The following TTC7B variants were observed in gnomAD, a reference collection of about 807,000 sequenced individuals.
TTC7B encodes the protein tetratricopeptide repeat protein 7B.
In TTC7B, 28 loss-of-function variants were observed where a neutral mutation model predicts 106.8. The observed-to-expected ratio is 0.26, with a 90% CI of 0.19 to 0.36. The LOEUF (loss-of-function observed/expected upper bound fraction) is 0.36. Among genes scored for constraint, TTC7B ranks in the 10% least tolerant of loss-of-function variants. The pLI, the probability that TTC7B is intolerant of heterozygous loss-of-function variation, is 1.00. For missense variants in TTC7B, 862 were observed against 1,076.4 expected (o/e 0.80, Z 2.79); for synonymous variants, 405 against 430.6 (o/e 0.94, Z 0.74).
In TTC7B at chr14:90,644,813, A is replaced by T. The variant is rs184042353; in HGVS notation, c.1591-605T>A. ...AAAAAAGTAAACAACAAAGGCCCCCACACCTTTCCAAACTACAACCCAAAA... is the reference window on the plus strand; with the variant it reads ...AAAAAAGTAAACAACAAAGGCCCCCTCACCTTTCCAAACTACAACCCAAAA... On this transcript the variant is annotated intron_variant, in intron 14 of 19. Transcript: ENST00000328459. 2.0e-5 allele frequency: 3 copies of T among 152,398 alleles called. No homozygotes were observed. The East Asian group carries it at 5.8e-4, about 29-fold the overall frequency. The allele number at this position is 152,398 out of a possible 1,614,324, so 9.4% of individuals were successfully genotyped here.
intron 15 of TTC7B, among the ~76,000 whole-genome samples, chr14:90,625,374 G>T (rs1205686471): frequency 6.6e-6 from 1 of 152,180 alleles, no homozygotes; most frequent in Non-Finnish European, 1.5e-5. Context: ...TTCCTTTCAG[G>T]TTCCCATGTG....
intron 8 of TTC7B, chr14:90,677,975 A>T: frequency 2.8e-6 from 1 of 351,498 alleles, no homozygotes; most frequent in Middle Eastern, 6.4e-4. Context: ...TTGAGCCCAA[A>T]AAAAGCAGCT....
At chr14:90,555,433 C>T (rs1478954192) in intron 19 of TTC7B, among the ~76,000 whole-genome samples, 3 of 152,164 alleles carry the variant, frequency 2.0e-5, no homozygotes, top group Non-Finnish European at 4.4e-5. Context: ...ATGGGGATGT[C>T]TCCCTCTGGG....
chr14:90,621,247 G>T (rs991167525), intron 15 of TTC7B, among the ~76,000 whole-genome samples: 4 of 148,140 alleles, frequency 2.7e-5, no homozygotes, highest in African/African-American at 1.0e-4. Context: ...GGCCACGTGG[G>T]TATAGCCAGA....
At chr14:90,648,842 ATTTAT>A (rs931028166) in intron 13 of TTC7B, 5 of 152,210 alleles carry the variant, frequency 3.3e-5, no homozygotes, top group African/African-American at 9.6e-5. Flanking sequence ...AAATTTTTAG[ATTTAT>A]TTTATCTTCT....
At chr14:90,558,469 G>A (rs774526903) in intron 19 of TTC7B, among the ~76,000 whole-genome samples, 1 of 152,374 alleles carries the variant, frequency 6.6e-6, no homozygotes, top group Non-Finnish European at 1.5e-5. Context: ...CACAAAGGCC[G>A]GATAGTTCAC....
intron 16 of TTC7B, among the ~76,000 whole-genome samples, chr14:90,612,196 A>C (rs1180480793): frequency 6.6e-6 from 1 of 152,212 alleles, no homozygotes; most frequent in Non-Finnish European, 1.5e-5. Context: ...ATCATCCCAG[A>C]CATGTTTTTT....
intron 18 of TTC7B, among the ~76,000 whole-genome samples, chr14:90,582,064 T>C (rs1374547734): frequency 6.6e-6 from 1 of 152,114 alleles, no homozygotes; most frequent in African/African-American, 2.4e-5. Flanking sequence ...AATCCCTCCG[T>C]TTTCAGCTCA....
At position 90,577,954 on chromosome 14, in the gene TTC7B, G is replaced by A; in HGVS notation, c.2310+152C>T. ...TTGCATAAACTATGGTAGAAACGGTGCCCTCTGGCTTCAGGCCATGTGACA... is the reference window on the plus strand; with the variant it reads ...TTGCATAAACTATGGTAGAAACGGTACCCTCTGGCTTCAGGCCATGTGACA... On this transcript the variant is annotated intron_variant, in intron 19 of 19. Transcript: ENST00000328459. The surrounding 1 kb of genome is among the most constrained non-coding windows in gnomAD (Gnocchi z 5.0). The A allele has an allele frequency of 1.1e-6, 1 of 948,908 alleles. No individual in the cohort carries two copies. Among genetic ancestry groups the A allele is most frequent in the Non-Finnish European group, 1.6e-6 (1 of 638,204 alleles). 58.8% of individuals were successfully genotyped at this position (948,908 alleles called of 1,614,324 possible).
At chr14:90,756,820 A>C (rs1445466689) in intron 3 of TTC7B, among the ~76,000 whole-genome samples, 2 of 145,604 alleles carry the variant, frequency 1.4e-5, no homozygotes, top group Non-Finnish European at 1.5e-5. Flanking sequence ...CTTCCTCTGG[A>C]CTCTCTAAGT....
chr14:90,545,855 G>A (rs1339744735), intron 19 of TTC7B, among the ~76,000 whole-genome samples: 1 of 152,226 alleles, frequency 6.6e-6, no homozygotes, highest in African/African-American at 2.4e-5. Context: ...CCTCTGCAGT[G>A]CTCTGGTGTT....
chr14:90,659,780 G>C (rs1338424190), intron 9 of TTC7B, among the ~76,000 whole-genome samples: 1 of 152,168 alleles, frequency 6.6e-6, no homozygotes, highest in Non-Finnish European at 1.5e-5. Flanking sequence ...GGAAGGATGT[G>C]TGGGGTGAAG....
intron 13 of TTC7B, among the ~76,000 whole-genome samples, chr14:90,652,630 G>A (rs1260746120): frequency 3.9e-5 from 6 of 152,108 alleles, no homozygotes; most frequent in African/African-American, 1.4e-4. Flanking sequence ...AATAAAATGT[G>A]CCCAAATGGA....
At chr14:90,736,518 G>A (rs964569132) in intron 4 of TTC7B, among the ~76,000 whole-genome samples, 1 of 151,804 alleles carries the variant, frequency 6.6e-6, no homozygotes, top group Non-Finnish European at 1.5e-5. Flanking sequence ...GTAGCCGTGA[G>A]CCAAGATCAC....
rs1024754881 is a variant in TTC7B, at chr14:90,732,152, T to C, written c.577-1956A>G. On this transcript the variant is annotated intron_variant, in intron 4 of 19. Transcript: ENST00000328459. ...AATGAGATCATGTTATATATGCTAGTTTTAAATTTAAATCATTATATTTAA... is the reference window on the plus strand; with the variant it reads ...AATGAGATCATGTTATATATGCTAGCTTTAAATTTAAATCATTATATTTAA... 2.2e-4 allele frequency among the ~76,000 whole-genome samples: 34 copies of C among 152,220 alleles called. 1 individual carries two copies.
Position 90,735,716 on chromosome 14 carries a change from T to A in TTC7B, c.577-5520A>T, listed in dbSNP as rs191734206. 7.0e-3 allele frequency among the ~76,000 whole-genome samples: 1,062 copies of A among 150,854 alleles called. 7 individuals carry two copies. The highest frequency in any genetic ancestry group is 0.026 in the East Asian group (135 of 5,166). On this transcript the variant is annotated intron_variant, in intron 4 of 19. Transcript: ENST00000328459. ...ACTTTTTTTAAATATTTTTTTTTTT[T>A]AAAAAACCTACTAAAGTCTATAGAA... is the stretch of plus-strand genomic sequence containing the variant.
At chr14:90,627,765 C>A (rs757905696) in intron 15 of TTC7B, among the ~76,000 whole-genome samples, 3 of 152,174 alleles carry the variant, frequency 2.0e-5, no homozygotes, top group Non-Finnish European at 4.4e-5. Context: ...ATTTTTAGCA[C>A]GAACAAACAA....
At chr14:90,735,421 T>A (rs1889480360) in intron 4 of TTC7B, among the ~76,000 whole-genome samples, 1 of 151,684 alleles carries the variant, frequency 6.6e-6, no homozygotes, top group East Asian at 1.9e-4. Context: ...GCGGAAGGAT[T>A]GCTTAAGTCC....
At chr14:90,615,280 C>T (rs1031942939) in intron 16 of TTC7B, among the ~76,000 whole-genome samples, 1 of 152,190 alleles carries the variant, frequency 6.6e-6, no homozygotes, top group Non-Finnish European at 1.5e-5. Context: ...CCTGCTACTG[C>T]CCACGTCTTC....
Sources: gnomAD v4.1 joint callset for allele counts (sites outside exome capture counted in the v4.1 genomes callset) on GRCh38, gnomAD v4.1.1 for gene constraint, Gnocchi (gnomAD v3.1) non-coding constraint, MANE v1.5 for transcripts, NCBI Gene and HGNC (gene_info 2026-07-23, HGNC 2026-07-21) for gene names.